STK33: variants seen among roughly 807,000 people sequenced by gnomAD.
The protein encoded by STK33 is serine/threonine-protein kinase 33.
Under a neutral mutation model 58.0 loss-of-function variants are expected in STK33, and 52 were observed. That is an observed-to-expected ratio of 0.90 (90% CI 0.72 to 1.13). STK33 has a LOEUF of 1.13. STK33 is among the 50% of genes most tolerant of loss of function. The pLI, the probability that STK33 is intolerant of heterozygous loss-of-function variation, is 0.00. For missense variants in STK33, 630 were observed against 604.2 expected, an observed-to-expected ratio of 1.04 and a Z score of -0.45; for synonymous variants, 215 against 200.1, an observed-to-expected ratio of 1.07 and a Z score of -0.63.
chr11:8,520,087 A>C (rs914566154), intron 1 of STK33, among the ~76,000 whole-genome samples: 1 of 152,224 alleles, frequency 6.6e-6, no homozygotes, highest in Non-Finnish European at 1.5e-5. Flanking sequence ...CGATGCTAAA[A>C]TCCTCAATAA....
At chr11:8,524,600 T>G (rs945097959) in intron 1 of STK33, among the ~76,000 whole-genome samples, 1 of 152,034 alleles carries the variant, frequency 6.6e-6, no homozygotes, top group Non-Finnish European at 1.5e-5. Flanking sequence ...AGGTTAGAAG[T>G]GGTTTGAGTT....
At chr11:8,366,530 C>A in the STK33 span, among the ~76,000 whole-genome samples, 3 of 152,234 alleles carry the variant, frequency 2.0e-5, no homozygotes, top group Admixed American at 6.5e-5. Context: ...CCAGGTGGCC[C>A]CAGCCTCTAG....
At chr11:8,376,060 T>C in the STK33 span, among the ~76,000 whole-genome samples, 3 of 152,212 alleles carry the variant, frequency 2.0e-5, no homozygotes, top group Non-Finnish European at 4.4e-5. Flanking sequence ...ATTCCTTTGC[T>C]TCCTTCCAGA....
intron 9 of STK33, among the ~76,000 whole-genome samples, chr11:8,455,979 T>C (rs1240819281): frequency 6.6e-6 from 1 of 152,188 alleles, no homozygotes; most frequent in East Asian, 1.9e-4. Context: ...TGTCTCTTTT[T>C]ACATAAATAC....
chr11:8,340,927 T>C, the STK33 span, among the ~76,000 whole-genome samples: 1 of 152,214 alleles, frequency 6.6e-6, no homozygotes, highest in Non-Finnish European at 1.5e-5. Flanking sequence ...GGTGTGATGT[T>C]GGCTCACTGC....
intron 1 of STK33, among the ~76,000 whole-genome samples, chr11:8,495,653 A>G (rs55977632): frequency 0.55 from 83,588 of 151,940 alleles, 23,383 homozygotes; most frequent in African/African-American, 0.65. Flanking sequence ...GCACATGTAT[A>G]TTTATTGTGG....
At chr11:8,461,348 G>A (rs1399850671) in intron 8 of STK33, among the ~76,000 whole-genome samples, 1 of 152,040 alleles carries the variant, frequency 6.6e-6, no homozygotes, top group Non-Finnish European at 1.5e-5. Flanking sequence ...GAAATATGAA[G>A]ATAAAACATA....
chr11:8,390,950 G>A (rs1334537890), downstream of STK33, among the ~76,000 whole-genome samples: 4 of 152,174 alleles, frequency 2.6e-5, no homozygotes, highest in Non-Finnish European at 5.9e-5. Flanking sequence ...CAAGCCCAGG[G>A]AATAGGCAGA....
chr11:8,489,516 G>A (rs1164443808), intron 1 of STK33, among the ~76,000 whole-genome samples: 1 of 152,114 alleles, frequency 6.6e-6, no homozygotes, highest in Non-Finnish European at 1.5e-5. Context: ...CATGGTGGAA[G>A]GCATCACATG....
At chr11:8,410,264 T>C (rs927787164) in intron 15 of STK33, among the ~76,000 whole-genome samples, 2 of 152,172 alleles carry the variant, frequency 1.3e-5, no homozygotes, top group African/African-American at 4.8e-5. Context: ...ACATTTCTTG[T>C]CTTTGAAAAA....
At chr11:8,526,443 C>A (rs1009520398) in intron 1 of STK33, among the ~76,000 whole-genome samples, 2 of 151,860 alleles carry the variant, frequency 1.3e-5, no homozygotes, top group African/African-American at 4.8e-5. Flanking sequence ...GACTATTTAG[C>A]ATTATCTATT....
chr11:8,394,049 T>C (rs550771131), intron 15 of STK33, among the ~76,000 whole-genome samples: 1 of 152,354 alleles, frequency 6.6e-6, no homozygotes, highest in South Asian at 2.1e-4. Context: ...TTTTAATTTC[T>C]ATAAAATTTG....
chr11:8,401,077 C>G (rs185408821), intron 15 of STK33, among the ~76,000 whole-genome samples: 1 of 152,058 alleles, frequency 6.6e-6, no homozygotes, highest in African/African-American at 2.4e-5. Context: ...CCATACCCAT[C>G]AAGCTACCAA....
chr11:8,401,478 T>C (rs1937938346), intron 15 of STK33, among the ~76,000 whole-genome samples: 1 of 152,140 alleles, frequency 6.6e-6, no homozygotes, highest in African/African-American at 2.4e-5. Context: ...TCAAGATGGA[T>C]TAAAGACTTA....
chr11:8,512,199 C>T (rs993159179), intron 1 of STK33, among the ~76,000 whole-genome samples: 1 of 152,086 alleles, frequency 6.6e-6, no homozygotes, highest in African/African-American at 2.4e-5. Context: ...TTCCTTGCTA[C>T]TTATGCTTTT....
intron 11 of STK33, among the ~76,000 whole-genome samples, chr11:8,445,821 G>A (rs1945376247): frequency 1.3e-5 from 2 of 152,064 alleles, no homozygotes; most frequent in East Asian, 3.9e-4. Context: ...TGTTCATCAG[G>A]GATATTGGTC....
At chr11:8,416,975 G>A (rs867591847) in intron 14 of STK33, among the ~76,000 whole-genome samples, 1 of 152,072 alleles carries the variant, frequency 6.6e-6, no homozygotes, top group Non-Finnish European at 1.5e-5. Flanking sequence ...CAGATACTTG[G>A]ACTAACCAAT....
At chr11:8,476,827 TTAAAATA>T (rs1219029002) in intron 3 of STK33, 76 bp from the exon 4 acceptor site, 2 of 152,222 alleles carry the variant, frequency 1.3e-5, no homozygotes, top group Non-Finnish European at 2.9e-5. Context: ...TTTTATTCAC[TTAAAATA>T]ACCAAAATCT....
chr11:8,372,689 G>A, the STK33 span, among the ~76,000 whole-genome samples: 2 of 152,270 alleles, frequency 1.3e-5, no homozygotes, highest in Non-Finnish European at 1.5e-5. Flanking sequence ...GGCTGACTGG[G>A]ACAGGCGTAC....
Sources: allele counts gnomAD v4.1 joint callset (sites outside exome capture counted in the v4.1 genomes callset), GRCh38; gene constraint gnomAD v4.1.1; transcripts MANE v1.5; gene names NCBI Gene and HGNC (gene_info 2026-07-23, HGNC 2026-07-21).